The following MBTD1 variants were observed in gnomAD, a reference collection of about 807,000 sequenced individuals.
MBTD1 encodes the protein mbt domain containing 1.
Under a neutral mutation model 87.8 loss-of-function variants are expected in MBTD1, and 24 were observed. The ratio of observed to expected loss-of-function variants is 0.27; its 90% CI spans 0.20 to 0.38. The LOEUF (loss-of-function observed/expected upper bound fraction) is 0.38. Among genes scored for constraint, MBTD1 ranks in the 10% least tolerant of loss-of-function variants. MBTD1 has a pLI of 1.00. For synonymous variants in MBTD1, 237 were observed against 248.6 expected (o/e 0.95, Z 0.44); for missense variants, 436 against 760.2 (o/e 0.57, Z 5.02).
At chr17:51,192,555 T>C (rs1043577988) in intron 15 of MBTD1, 1 of 757,954 alleles carries the variant, frequency 1.3e-6, no homozygotes, top group Admixed American at 3.1e-5. Context: ...ATTTGGTGAC[T>C]GTTGTGTTTC....
At chr17:51,225,433 C>T (rs2053156585) in intron 2 of MBTD1, among the ~76,000 whole-genome samples, 1 of 151,418 alleles carries the variant, frequency 6.6e-6, no homozygotes, top group Non-Finnish European at 1.5e-5. Context: ...GTCACTGCAA[C>T]CTCCACCTCC....
rs999192054 is a variant in MBTD1, at chr17:51,214,355, C to G, written c.486+2979G>C. Among the ~76,000 whole-genome samples the G allele has an allele frequency of 4.5e-4, 69 of 152,020 alleles. 2 individuals are homozygous for G. The highest frequency in any genetic ancestry group is 1.3e-4 in the Non-Finnish European group (9 of 68,020). On this transcript the variant is annotated intron_variant, in intron 6 of 16. Transcript: ENST00000586178. ...GTCCAATACTGTTGTAATTGAGTGA[C>G]TGAGTATAAGCCACTATAAATAGTT...
chr17:51,243,862 C>A (rs938926955), intron 2 of MBTD1, among the ~76,000 whole-genome samples: 1 of 152,108 alleles, frequency 6.6e-6, no homozygotes, highest in Non-Finnish European at 1.5e-5. Context: ...CAAGCCCCTT[C>A]CCCCTTAACA....
rs150198966 is a variant in MBTD1 at position 51,203,005 on chromosome 17, T to C, written c.829-70A>G. 8.4e-4 allele frequency: 1,135 copies of C among 1,344,426 alleles called. 6 individuals carry two copies. In the African/African-American group the frequency reaches 0.015, roughly 18 times the overall value. 83.3% of individuals were successfully genotyped at this position (1,344,426 alleles called of 1,614,324 possible). Reference sequence around the variant, plus strand: ...TCTACAAGAAATTTTTGTATTATACTGTAAAAAATACTGAATGCACTTGAA... The same window carrying C: ...TCTACAAGAAATTTTTGTATTATACCGTAAAAAATACTGAATGCACTTGAA... On this transcript the variant is annotated intron_variant, in intron 9 of 16. Transcript: ENST00000586178.
At chr17:51,217,062 T>C (rs1205977450) in intron 6 of MBTD1, among the ~76,000 whole-genome samples, 1 of 151,986 alleles carries the variant, frequency 6.6e-6, no homozygotes, top group Non-Finnish European at 1.5e-5. Flanking sequence ...AATAAATAAA[T>C]ATAAAAGAAA....
At chr17:51,195,724 A>G (rs545777441) in intron 12 of MBTD1, among the ~76,000 whole-genome samples, 6 of 152,228 alleles carry the variant, frequency 3.9e-5, no homozygotes, top group African/African-American at 1.4e-4. Context: ...TAACACTTTG[A>G]CTTCTTTCTT....
rs1568135533 is a variant in MBTD1 at position 51,179,488 on chromosome 17, A to ATATATATATATATATATT, written c.*1087_*1088insAATATATATATATATATA. ...TGAATACAATTAAAGACAATTTTAT[A>ATATATATATATATATATT]TATATATATATATATATATATATAT... On this transcript the variant is annotated 3_prime_UTR_variant, in exon 17 of 17. Coordinates refer to ENST00000586178, the MANE Select transcript of MBTD1 (RefSeq NM_017643.3). 49 of 18,458 alleles carry ATATATATATATATATATT rather than the reference A, an allele frequency of 2.7e-3. 3 individuals carry two copies. The highest frequency in any genetic ancestry group is 6.3e-3 in the Admixed American group (10 of 1,596). The allele number at this position is 18,458 out of a possible 1,614,324, so 1.1% of individuals were successfully genotyped here.
At chr17:51,223,158 A>T (rs1335815592) in intron 3 of MBTD1, among the ~76,000 whole-genome samples, 1 of 152,144 alleles carries the variant, frequency 6.6e-6, no homozygotes, top group African/African-American at 2.4e-5. Flanking sequence ...GGGCAGAATT[A>T]TCAAAACTGA....
At chr17:51,207,899 C>T (rs1399079012) in intron 6 of MBTD1, among the ~76,000 whole-genome samples, 1 of 152,156 alleles carries the variant, frequency 6.6e-6, no homozygotes, top group East Asian at 1.9e-4. Flanking sequence ...TTGTGTTGCT[C>T]TGGACAGTCA....
At chr17:51,210,981 A>C (rs1407988031) in intron 6 of MBTD1, among the ~76,000 whole-genome samples, 1 of 151,704 alleles carries the variant, frequency 6.6e-6, no homozygotes, top group Non-Finnish European at 1.5e-5. Flanking sequence ...TACCCAAAAC[A>C]CAAAAATTAG....
intron 11 of MBTD1, 28 bp from the exon 12 acceptor site, chr17:51,201,724 C>T: frequency 7.4e-7 from 1 of 1,356,312 alleles, no homozygotes; most frequent in East Asian, 2.3e-5. Flanking sequence ...AGCACATCTA[C>T]TGTTACAAAT....
intron 2 of MBTD1, among the ~76,000 whole-genome samples, chr17:51,231,153 G>A (rs558518420): frequency 6.6e-6 from 1 of 152,146 alleles, no homozygotes; most frequent in African/African-American, 2.4e-5. Flanking sequence ...GGTCAGGCTG[G>A]TCTCAAACTC....
Position 51,201,151 on chromosome 17 carries a change from A to G in MBTD1, c.1224+441T>C, listed in dbSNP as rs1408931559. ...CAAAAAAAAATGAACAAACAAACAAAAAACCCAAGAATTTCTCTTCTAGGT... is the reference window on the plus strand; with the variant it reads ...CAAAAAAAAATGAACAAACAAACAAGAAACCCAAGAATTTCTCTTCTAGGT... On this transcript the variant is annotated intron_variant, in intron 12 of 16. Transcript: ENST00000586178. Among the ~76,000 whole-genome samples the G allele has an allele frequency of 3.3e-5, 5 of 152,214 alleles. No individual in the cohort carries two copies. The South Asian group carries it at 1.0e-3, about 32-fold the overall frequency.
At chr17:51,260,271 T>G, upstream of MBTD1, 1 of 469,304 alleles carries the variant, frequency 2.1e-6, no homozygotes. Flanking sequence ...GCCGTCCCAG[T>G]GTATAGTCGG....
chr17:51,191,348 G>A (rs1164867417), intron 16 of MBTD1, among the ~76,000 whole-genome samples: 6 of 146,556 alleles, frequency 4.1e-5, no homozygotes, highest in South Asian at 2.2e-4. Context: ...CTCAACCTCC[G>A]CCTCCTGGGT....
rs963922924 is a variant in MBTD1 at position 51,259,967 on chromosome 17, G to C, written c.-245C>G. 3 of 977,922 alleles carry C rather than the reference G, an allele frequency of 3.1e-6. No homozygotes were observed. The African/African-American group carries it at 5.0e-5, about 16-fold the overall frequency. 60.6% of individuals were successfully genotyped at this position (977,922 alleles called of 1,614,324 possible). A position where few individuals can be genotyped will look rare whatever the true frequency, so the allele number is the denominator to read the frequency against. ...CTGCGGCGACTACAGGGGGCCCCCG[G>C]CTGGGCCCAGACCGGTGGCGGGTGC... On this transcript the variant is annotated 5_prime_UTR_variant, in exon 1 of 17. Coordinates refer to ENST00000586178, the MANE Select transcript of MBTD1 (RefSeq NM_017643.3).
At chr17:51,196,460 G>A (rs1347858068) in intron 12 of MBTD1, among the ~76,000 whole-genome samples, 2 of 151,904 alleles carry the variant, frequency 1.3e-5, no homozygotes, top group Non-Finnish European at 2.9e-5. Context: ...CTGACCTCAG[G>A]TGACCCACCC....
At chr17:51,187,041 T>C (rs1268273415) in intron 16 of MBTD1, among the ~76,000 whole-genome samples, 2 of 152,194 alleles carry the variant, frequency 1.3e-5, no homozygotes, top group African/African-American at 4.8e-5. Context: ...ATTCACTCTT[T>C]TAGAAAACAC....
At chr17:51,259,596 A>T (rs1357795725) in intron 1 of MBTD1, among the ~76,000 whole-genome samples, 1 of 148,696 alleles carries the variant, frequency 6.7e-6, no homozygotes, top group Non-Finnish European at 1.5e-5. Flanking sequence ...TTTTTCTTCC[A>T]AAGGGTGGAG....
Sources: gnomAD v4.1 joint callset for allele counts (sites outside exome capture counted in the v4.1 genomes callset) on GRCh38, gnomAD v4.1.1 for gene constraint, MANE v1.5 for transcripts, NCBI Gene and HGNC (gene_info 2026-07-23, HGNC 2026-07-21) for gene names.